Variants in MAML2 observed in about 807,000 individuals in gnomAD.
The protein encoded by MAML2 is mastermind-like protein 2.
A neutral mutation model predicts 96.1 loss-of-function variants in MAML2; 22 were observed. The observed-to-expected ratio is 0.23, with a 90% confidence interval of 0.16 to 0.33. The LOEUF (loss-of-function observed/expected upper bound fraction) is 0.33. Among genes scored for constraint, MAML2 ranks in the 10% least tolerant of loss-of-function variants. The probability of loss-of-function intolerance (pLI) is 1.00; values close to 1 mark genes in which losing one functional copy is unlikely to be tolerated. For synonymous variants in MAML2, 561 were observed against 521.3 expected, an observed-to-expected ratio of 1.08 and a Z score of -1.04; for missense variants, 1,367 against 1,392.4, an observed-to-expected ratio of 0.98 and a Z score of 0.29.
chr11:96,308,263 C>G (rs1215232790), intron 1 of MAML2, among the ~76,000 whole-genome samples: 1 of 152,024 alleles, frequency 6.6e-6, no homozygotes, highest in Non-Finnish European at 1.5e-5. Context: ...TATTTCAATG[C>G]TATCCTAAAC....
chr11:96,032,646 G>A (rs1565194757), intron 2 of MAML2, among the ~76,000 whole-genome samples: 2 of 149,094 alleles, frequency 1.3e-5, no homozygotes, highest in Admixed American at 1.3e-4. Context: ...ACAATCAAAT[G>A]TCTCTTATTT....
At chr11:96,036,520 G>A (rs185787989) in intron 2 of MAML2, among the ~76,000 whole-genome samples, 2 of 152,140 alleles carry the variant, frequency 1.3e-5, no homozygotes, top group Non-Finnish European at 2.9e-5. Flanking sequence ...CGGTGAAAAA[G>A]CACTTGGTGT....
At chr11:96,266,297 G>A (rs548536186) in intron 1 of MAML2, among the ~76,000 whole-genome samples, 4 of 152,206 alleles carry the variant, frequency 2.6e-5, no homozygotes, top group East Asian at 3.9e-4. Context: ...TTGGCCAGGC[G>A]TGGTGGCTCA....
rs369586747 is a variant in MAML2, at chr11:96,042,039, C to T, written c.2139+49853G>A. Among the ~76,000 whole-genome samples the T allele has an allele frequency of 9.9e-3, 1,487 of 149,586 alleles. 27 individuals carry two copies. The highest frequency in any genetic ancestry group is 0.034 in the African/African-American group (1,382 of 40,612). Reference sequence around the variant, plus strand: ...TTGCCCAGGCTGGAGTGCAGTGGCACGATCTTGGCTCACTGCAAGCTCCAC... The same window carrying T: ...TTGCCCAGGCTGGAGTGCAGTGGCATGATCTTGGCTCACTGCAAGCTCCAC... On this transcript the variant is annotated intron_variant, in intron 2 of 4. Coordinates refer to ENST00000524717, the MANE Select transcript of MAML2 (RefSeq NM_032427.4).
At chr11:96,169,715 C>T (rs544976585) in intron 1 of MAML2, among the ~76,000 whole-genome samples, 31 of 146,366 alleles carry the variant, frequency 2.1e-4, no homozygotes, top group African/African-American at 3.8e-4. Flanking sequence ...AATGCAGTGG[C>T]GTGATCTCAG....
chr11:96,094,191 C>T lies in MAML2; in HGVS notation c.514-674G>A, dbSNP rs192756135. 9.2e-4 allele frequency among the ~76,000 whole-genome samples: 140 copies of T among 152,348 alleles called. 1 individual carries two copies. Among genetic ancestry groups the T allele is most frequent in the African/African-American group, 3.2e-3 (132 of 41,580 alleles). On this transcript the variant is annotated intron_variant, in intron 1 of 4. Transcript: ENST00000524717. ...AGATGATCATTCCTCATATGAGATA[C>T]TTTAAGCACTGATTTTCCTGGGAAT... is the stretch of plus-strand genomic sequence containing the variant.
intron 2 of MAML2, among the ~76,000 whole-genome samples, chr11:96,049,072 G>T (rs1254633079): frequency 6.6e-6 from 1 of 152,136 alleles, no homozygotes; most frequent in Non-Finnish European, 1.5e-5. Flanking sequence ...ATCTCAAATA[G>T]AATTCTATTG....
At chr11:96,074,729 T>C (rs760568288) in intron 2 of MAML2, among the ~76,000 whole-genome samples, 3 of 152,246 alleles carry the variant, frequency 2.0e-5, no homozygotes, top group Admixed American at 6.5e-5. Context: ...TCAAATCATT[T>C]TTGACACCAG....
intron 1 of MAML2, among the ~76,000 whole-genome samples, chr11:96,157,037 C>G (rs1861020877): frequency 6.6e-6 from 1 of 152,306 alleles, no homozygotes; most frequent in South Asian, 2.1e-4. Flanking sequence ...AAATTGTTTC[C>G]CTGGCAGTGC....
intron 1 of MAML2, among the ~76,000 whole-genome samples, chr11:96,129,521 C>T: frequency 6.6e-6 from 1 of 152,178 alleles, no homozygotes; most frequent in African/African-American, 2.4e-5. Flanking sequence ...TTTGAAAATA[C>T]CAACACCTGT....
chr11:96,314,756 A>G (rs1416096270), intron 1 of MAML2, among the ~76,000 whole-genome samples: 2 of 152,212 alleles, frequency 1.3e-5, no homozygotes, highest in African/African-American at 4.8e-5. Context: ...TTTGTACCCA[A>G]TATAAATGTT....
At chr11:96,216,611 A>C (rs888652087) in intron 1 of MAML2, among the ~76,000 whole-genome samples, 1 of 152,188 alleles carries the variant, frequency 6.6e-6, no homozygotes, top group Admixed American at 6.5e-5. Context: ...GATTACTTGT[A>C]ATAAAATGCT....
At chr11:96,234,666 C>T (rs1218252873) in intron 1 of MAML2, among the ~76,000 whole-genome samples, 2 of 152,182 alleles carry the variant, frequency 1.3e-5, no homozygotes, top group Non-Finnish European at 2.9e-5. Context: ...CACACACAAG[C>T]ACACATATGC....
intron 1 of MAML2, among the ~76,000 whole-genome samples, chr11:96,168,309 G>A (rs1159910717): frequency 6.6e-6 from 1 of 152,114 alleles, no homozygotes; most frequent in African/African-American, 2.4e-5. Flanking sequence ...GTAATAGAAA[G>A]CCTTCAATAA....
intron 1 of MAML2, among the ~76,000 whole-genome samples, chr11:96,181,882 A>G (rs548473344): frequency 1.3e-5 from 2 of 152,290 alleles, no homozygotes; most frequent in South Asian, 2.1e-4. Context: ...TTTTTTCTTT[A>G]TATAATATCA....
At position 96,341,618 on chromosome 11, in the gene MAML2, G is replaced by A. The variant is rs1863995504; in HGVS notation, c.278C>T (p.Thr93Ile). ...GGTGGCAGCAGTGGCGGTGGCCTTG[G>A]TGTGTTTGCCAGCTTTCCTTGCCCC... Reference protein sequence around the residue: ...GQGARKAGKHTKATATAATTT... With the variant: ...GQGARKAGKHIKATATAATTT... The change falls in exon 1 of 5, where the codon ACC becomes ATC. Residue 93 changes from threonine (T) to isoleucine (I), a missense_variant. Transcript: ENST00000524717. 1 of 1,552,428 alleles carries A rather than the reference G, an allele frequency of 6.4e-7. No homozygotes were observed. Among genetic ancestry groups the A allele is most frequent in the South Asian group, 1.2e-5 (1 of 84,162 alleles).
At chr11:96,037,637 G>C (rs1162703366) in intron 2 of MAML2, among the ~76,000 whole-genome samples, 1 of 152,166 alleles carries the variant, frequency 6.6e-6, no homozygotes, top group Non-Finnish European at 1.5e-5. Flanking sequence ...AATTCAGAGA[G>C]GACGTGCAAA....
chr11:96,276,548 G>A (rs1453253617), intron 1 of MAML2, among the ~76,000 whole-genome samples: 1 of 152,182 alleles, frequency 6.6e-6, no homozygotes, highest in Non-Finnish European at 1.5e-5. Context: ...GGTCATGCCA[G>A]CCTGTACCGA....
At chr11:96,128,257 G>A (rs1860485436) in intron 1 of MAML2, among the ~76,000 whole-genome samples, 1 of 152,120 alleles carries the variant, frequency 6.6e-6, no homozygotes, top group Admixed American at 6.5e-5. Context: ...AGCCGGGTGT[G>A]GTGGCTCATG....
Sources: allele counts gnomAD v4.1 joint callset (sites outside exome capture counted in the v4.1 genomes callset), GRCh38; gene constraint gnomAD v4.1.1; transcripts MANE v1.5; gene names NCBI Gene and HGNC (gene_info 2026-07-23, HGNC 2026-07-21).